Variants in SERINC5 observed in about 807,000 individuals in gnomAD.
The protein encoded by SERINC5 is chromosome 5 open reading frame 12.
A neutral mutation model predicts 63.1 loss-of-function variants in SERINC5; 41 were observed. The ratio of observed to expected loss-of-function variants is 0.65; its 90% confidence interval spans 0.51 to 0.84. SERINC5 has a LOEUF of 0.84. SERINC5 is among the 40% of genes least tolerant of loss of function. The pLI, the probability that SERINC5 is intolerant of heterozygous loss-of-function variation, is 0.00. For missense variants in SERINC5, 523 were observed against 573.0 expected (o/e 0.91, Z 0.89); for synonymous variants, 222 against 215.2 (o/e 1.03, Z -0.28).
intron 2 of SERINC5, among the ~76,000 whole-genome samples, chr5:80,179,168 T>A (rs913272966): frequency 1.6e-4 from 25 of 151,930 alleles, no homozygotes; most frequent in Admixed American, 1.1e-3. Context: ...GTGTGGTGGC[T>A]CGTGCCTGTA....
Position 80,255,954 on chromosome 5 carries a change from G to A in SERINC5, c.-32C>T. ...GGCCAATGCCGAAGGCGCGCTCGCT[G>A]GCTCCCCGCGCCGCACGGGCCCTCC... On this transcript the variant is annotated 5_prime_UTR_variant, in exon 1 of 12. Coordinates refer to ENST00000507668, the MANE Select transcript of SERINC5 (RefSeq NM_001174072.3). 1 of 1,520,224 alleles carries A rather than the reference G, an allele frequency of 6.6e-7. No individual in the cohort carries two copies. The allele number at this position is 1,520,224 out of a possible 1,614,324, so 94.2% of individuals were successfully genotyped here.
At chr5:80,234,416 A>C (rs1270769886) in intron 1 of SERINC5, among the ~76,000 whole-genome samples, 1 of 152,190 alleles carries the variant, frequency 6.6e-6, no homozygotes, top group East Asian at 1.9e-4. Flanking sequence ...CCACATATTC[A>C]TACCAGTTGT....
intron 1 of SERINC5, among the ~76,000 whole-genome samples, chr5:80,242,897 T>C (rs1422714046): frequency 6.6e-6 from 1 of 152,234 alleles, no homozygotes; most frequent in Non-Finnish European, 1.5e-5. Flanking sequence ...CATTCCAGCC[T>C]AAATGACAGA....
At chr5:80,138,025 C>T (rs971906162), downstream of SERINC5, among the ~76,000 whole-genome samples, 3 of 152,002 alleles carry the variant, frequency 2.0e-5, no homozygotes, top group African/African-American at 7.2e-5. Flanking sequence ...TTTGGAGGAA[C>T]CTAGAAGACA....
At chr5:80,146,024 G>T in intron 11 of SERINC5, 66 bp downstream of exon 11, 1 of 1,548,264 alleles carries the variant, frequency 6.5e-7, no homozygotes, top group South Asian at 1.1e-5. Flanking sequence ...AAACAAACAC[G>T]AACAGTACTT....
intron 1 of SERINC5, among the ~76,000 whole-genome samples, chr5:80,240,052 AAC>A (rs1238682450): frequency 1.3e-5 from 2 of 152,208 alleles, no homozygotes; most frequent in African/African-American, 2.4e-5. Context: ...TTACTTTGAA[AAC>A]ACAAAATTGC....
chr5:80,168,204 T>C (rs1357559984), intron 6 of SERINC5, among the ~76,000 whole-genome samples: 1 of 150,226 alleles, frequency 6.7e-6, no homozygotes, highest in Non-Finnish European at 1.5e-5. Flanking sequence ...CTAGTTGCCT[T>C]TTTTTTTTTC....
Position 80,177,301 on chromosome 5 carries a change from T to C in SERINC5, c.457+14A>G, listed in dbSNP as rs1252888281. The C allele has an allele frequency of 8.8e-6, 14 of 1,585,606 alleles. No homozygotes were observed. Among genetic ancestry groups the C allele is most frequent in the Non-Finnish European group, 1.2e-5 (14 of 1,159,700 alleles). On this transcript the variant is annotated intron_variant, in intron 4 of 11. Transcript: ENST00000507668. ...AAACAAAATAAACAGATACCCAAAA[T>C]ACCCCATTAGTACCGTTCAGAAAGG...
At chr5:80,123,277 T>A (rs1362377232) in intron 11 of SERINC5, among the ~76,000 whole-genome samples, 2 of 152,096 alleles carry the variant, frequency 1.3e-5, no homozygotes, top group Non-Finnish European at 2.9e-5. Context: ...TTTAAAAAAA[T>A]TATTTTTTAT....
At chr5:80,239,454 G>C (rs1027659940) in intron 1 of SERINC5, among the ~76,000 whole-genome samples, 1 of 146,908 alleles carries the variant, frequency 6.8e-6, no homozygotes, top group Non-Finnish European at 1.5e-5. Context: ...TGGTTTGGGT[G>C]AACACTGGGA....
intron 2 of SERINC5, among the ~76,000 whole-genome samples, chr5:80,202,169 T>C (rs970199276): frequency 6.6e-6 from 1 of 150,844 alleles, no homozygotes; most frequent in African/African-American, 2.4e-5. Flanking sequence ...ACCTGGGAGG[T>C]GGAGGTTGCA....
At chr5:80,147,183 CAG>C in intron 10 of SERINC5, 60 bp downstream of exon 10, 3 of 1,445,100 alleles carry the variant, frequency 2.1e-6, no homozygotes, top group Non-Finnish European at 2.9e-6. Flanking sequence ...CAAATGACTA[CAG>C]ATTAGAGTTA....
chr5:80,173,361 C>T (rs909490511), intron 5 of SERINC5, among the ~76,000 whole-genome samples: 1 of 151,948 alleles, frequency 6.6e-6, no homozygotes, highest in Non-Finnish European at 1.5e-5. Flanking sequence ...TTTGGGAGGC[C>T]GAGGTGGGCG....
chr5:80,229,230 GC>G (rs1751322388), intron 1 of SERINC5, among the ~76,000 whole-genome samples: 3 of 151,574 alleles, frequency 2.0e-5, no homozygotes, highest in African/African-American at 7.3e-5. Flanking sequence ...CACCATGTTG[GC>G]CAGGCTGGTC....
intron 1 of SERINC5, among the ~76,000 whole-genome samples, chr5:80,251,797 G>A (rs1752434321): frequency 9.4e-6 from 1 of 106,716 alleles, no homozygotes; most frequent in Non-Finnish European, 2.1e-5. Flanking sequence ...GATCCTCCTG[G>A]TGCAATAGTC....
chr5:80,255,228 G>A (rs901692535), intron 1 of SERINC5: 1 of 152,428 alleles, frequency 6.6e-6, no homozygotes, highest in African/African-American at 2.4e-5. Context: ...TTAAAAAACA[G>A]GTTCGAACAA....
At chr5:80,242,842 G>T (rs1752006794) in intron 1 of SERINC5, among the ~76,000 whole-genome samples, 1 of 152,212 alleles carries the variant, frequency 6.6e-6, no homozygotes, top group Admixed American at 6.5e-5. Flanking sequence ...AGAATTGCTT[G>T]AACTTGGGAG....
intron 2 of SERINC5, among the ~76,000 whole-genome samples, chr5:80,180,860 G>C (rs771919692): frequency 5.2e-4 from 79 of 152,348 alleles, no homozygotes; most frequent in Non-Finnish European, 9.0e-4. Context: ...TTGTCAGTGT[G>C]AAATGTAACA....
Position 80,172,806 on chromosome 5 carries a change from C to T in SERINC5, c.551+2148G>A, listed in dbSNP as rs141906588. ...TGCTGACTGGTTTGTGCGTGGGAGA[C>T]GACCAACGCTTCTATTCACTAGTCT... On this transcript the variant is annotated intron_variant, in intron 5 of 11. Coordinates refer to ENST00000507668, the MANE Select transcript of SERINC5 (RefSeq NM_001174072.3). Among the ~76,000 whole-genome samples, 48 of 152,240 alleles carry T rather than the reference C, an allele frequency of 3.2e-4. No homozygotes were observed. In the East Asian group the frequency reaches 7.3e-3, roughly 23 times the overall value.
Sources: gnomAD v4.1 joint callset for allele counts (sites outside exome capture counted in the v4.1 genomes callset) on GRCh38, gnomAD v4.1.1 for gene constraint, MANE v1.5 for transcripts, NCBI Gene and HGNC (gene_info 2026-07-23, HGNC 2026-07-21) for gene names.